PAK4: variants seen among roughly 807,000 people sequenced by gnomAD.
PAK4 encodes the protein p21 (RAC1) activated kinase 4.
PAK4 carries 49 observed loss-of-function variants against 53.5 expected under a neutral mutation model. The ratio of observed to expected loss-of-function variants is 0.92; its 90% confidence interval spans 0.73 to 1.16. The LOEUF is 1.16. Among genes scored for constraint, PAK4 ranks in the 50% most tolerant of loss-of-function variants. The pLI is 0.00. For missense variants in PAK4, 824 were observed against 850.7 expected (o/e 0.97, Z 0.39); for synonymous variants, 376 against 375.6 (o/e 1.00, Z -0.01).
At chr19:39,126,313 A>G (rs2073576490) in intron 1 of PAK4, among the ~76,000 whole-genome samples, 1 of 151,782 alleles carries the variant, frequency 6.6e-6, no homozygotes, top group South Asian at 2.1e-4. Context: ...AATGAGTTTT[A>G]GGTTCGGGGG....
At chr19:39,129,597 G>A (rs951704341) in intron 1 of PAK4, among the ~76,000 whole-genome samples, 9 of 152,072 alleles carry the variant, frequency 5.9e-5, no homozygotes, top group East Asian at 1.9e-4. Context: ...CGATTTCCTC[G>A]GCCGTGACAT....
chr19:39,133,485 C>G (rs2073752013), intron 1 of PAK4, among the ~76,000 whole-genome samples: 1 of 152,116 alleles, frequency 6.6e-6, no homozygotes, highest in Non-Finnish European at 1.5e-5. Flanking sequence ...GGGACCTGGC[C>G]CCGTCACAGA....
At chr19:39,171,303 G>T (rs1483821503) in intron 2 of PAK4, among the ~76,000 whole-genome samples, 1 of 152,034 alleles carries the variant, frequency 6.6e-6, no homozygotes. Context: ...TCGCCTCCTG[G>T]GTTCAAGCGA....
intron 1 of PAK4, among the ~76,000 whole-genome samples, chr19:39,150,723 C>A (rs1228251735): frequency 6.6e-6 from 1 of 151,914 alleles, no homozygotes; most frequent in Non-Finnish European, 1.5e-5. Flanking sequence ...GACCTTGTCT[C>A]TAAAAAAAAT....
Position 39,173,084 on chromosome 19 carries a change from C to G in PAK4, c.371C>G (p.Thr124Arg), listed in dbSNP as rs1052399906. 6.5e-7 allele frequency: 1 copy of G among 1,548,686 alleles called. No homozygotes were observed. Among genetic ancestry groups the G allele is most frequent in the Admixed American group, 2.0e-5 (1 of 50,978 alleles). The stretch of plus-strand genomic sequence containing the variant: ...GGGATGCCAGAGGAGCCGGCCACCA[C>G]GGCCAGAGGGGGCCCAGGGAAGGCA... The change falls in exon 3 of 9, where the codon ACG (threonine) becomes AGG (arginine). Residue 124 changes from threonine (T) to arginine (R), a missense_variant. Physicochemically the swap from Thr to Arg is moderately conservative, Grantham distance 71. Coordinates refer to ENST00000358301, the Ensembl canonical transcript of PAK4. The surrounding 1 kb of genome is among the most constrained non-coding windows in gnomAD (Gnocchi z 6.9).
At chr19:39,167,222 G>A (rs1277149877) in intron 1 of PAK4, among the ~76,000 whole-genome samples, 4 of 152,234 alleles carry the variant, frequency 2.6e-5, no homozygotes, top group Admixed American at 2.6e-4. Flanking sequence ...CCGCAGTGGG[G>A]AGGGAGCGGG....
At chr19:39,174,102 C>G (rs372650042) in intron 4 of PAK4, 92 bp downstream of exon 5, 244 of 847,510 alleles carry the variant, frequency 2.9e-4, no homozygotes, top group Non-Finnish European at 4.3e-4. Flanking sequence ...TGCACTCCTC[C>G]GTGCTGGGCC....
chr19:39,172,210 G>GCC (rs2074493619), intron 2 of PAK4, among the ~76,000 whole-genome samples: 1 of 150,846 alleles, frequency 6.6e-6, no homozygotes, highest in Non-Finnish European at 1.5e-5. Context: ...CAGCGGAGAG[G>GCC]CCCTGGGCGC....
Position 39,151,917 on chromosome 19 carries a change from C to T in PAK4, c.-22-17615C>T, listed in dbSNP as rs531580854. Reference sequence around the variant, plus strand: ...CCAAGTAGCTGGGATTACAGGCATGCGCCACCACGCGCAGCTAATTTTTGT... The same window carrying T: ...CCAAGTAGCTGGGATTACAGGCATGTGCCACCACGCGCAGCTAATTTTTGT... On this transcript the variant is annotated intron_variant, in intron 1 of 8. Transcript: ENST00000358301. Among the ~76,000 whole-genome samples the T allele has an allele frequency of 5.3e-5, 8 of 152,232 alleles. No individual in the cohort carries two copies. In the South Asian group the frequency reaches 1.7e-3, roughly 32 times the overall value.
intron 1 of PAK4, among the ~76,000 whole-genome samples, chr19:39,136,988 T>G (rs931314603): frequency 2.0e-5 from 3 of 151,862 alleles, no homozygotes; most frequent in Non-Finnish European, 4.4e-5. Flanking sequence ...GACAGGTAGG[T>G]CGGTTCTTGG....
At chr19:39,155,589 CGGGCCA>C (rs1054844432) in intron 1 of PAK4, among the ~76,000 whole-genome samples, 4 of 152,274 alleles carry the variant, frequency 2.6e-5, no homozygotes, top group Admixed American at 2.6e-4. Flanking sequence ...AGCTCTGCCT[CGGGCCA>C]GCCTTTGCAC....
At chr19:39,165,885 C>T (rs1160859017) in intron 1 of PAK4, among the ~76,000 whole-genome samples, 3 of 152,220 alleles carry the variant, frequency 2.0e-5, no homozygotes, top group Non-Finnish European at 2.9e-5. Flanking sequence ...AGCTGGGCCA[C>T]CTGGGTTAAT....
Position 39,178,544 on chromosome 19 carries a change from A to T in PAK4, c.1741A>T (p.Ile581Phe). ...GGCCAAGGCAGGGCCGCCTGCCAGCATCGTGCCCCTCATGCGCCAGAACCG... is the reference window on the plus strand; with the variant it reads ...GGCCAAGGCAGGGCCGCCTGCCAGCTTCGTGCCCCTCATGCGCCAGAACCG... Residue 581 changes from isoleucine to phenylalanine, a missense_variant, in exon 9 of 9, where the codon ATC becomes TTC. Transcript: ENST00000358301. The surrounding 1 kb of genome is among the most constrained non-coding windows in gnomAD (Gnocchi z 4.4). 5.0e-6 allele frequency: 8 copies of T among 1,610,002 alleles called. No homozygotes were observed. Among genetic ancestry groups the T allele is most frequent in the Non-Finnish European group, 6.8e-6 (8 of 1,178,588 alleles).
intron 1 of PAK4, among the ~76,000 whole-genome samples, chr19:39,133,668 C>T (rs1011410714): frequency 2.0e-5 from 3 of 152,186 alleles, no homozygotes; most frequent in Non-Finnish European, 2.9e-5. Flanking sequence ...CGAGCAGACA[C>T]CTTGAGGGTT....
chr19:39,159,895 T>TC (rs913529118), intron 1 of PAK4, among the ~76,000 whole-genome samples: 10 of 152,162 alleles, frequency 6.6e-5, no homozygotes, highest in South Asian at 2.1e-4. Context: ...TCCAAAGGCG[T>TC]CCCCCCCACT....
Position 39,173,702 on chromosome 19 carries a change from C to A in PAK4, c.790C>A (p.Pro264Thr). The A allele has an allele frequency of 6.3e-7, 1 of 1,584,044 alleles. No homozygotes were observed. Among genetic ancestry groups the A allele is most frequent in the South Asian group, 1.1e-5 (1 of 88,254 alleles). Residue 264 changes from proline (P) to threonine (T), a missense_variant, in exon 4 of 9, where the codon CCC becomes ACC. Pro to Thr is a conservative substitution (Grantham distance 38). Around this residue, in one of 2 missense-constraint regions of PAK4, gnomAD observed 478 missense variants for 435.8 expected, o/e 1.10. Transcript: ENST00000358301. This position sits in a 1 kb window ranked among gnomAD's most constrained non-coding sequence, Gnocchi z 6.9. ...TGCCCCCAGCCCTGGAGTGCTGGGA[C>A]CCCACGCCTCAGAGCCCCAGCTGGC...
intron 1 of PAK4, chr19:39,135,317 G>A (rs1425772576): frequency 7.1e-6 from 1 of 140,630 alleles, no homozygotes; most frequent in Non-Finnish European, 1.5e-5. Flanking sequence ...GGAGTCAAGT[G>A]CTTATTCTTT....
At chr19:39,126,115 G>A (rs1044722840) in intron 1 of PAK4, among the ~76,000 whole-genome samples, 196 bp downstream of exon 1, 5 of 152,166 alleles carry the variant, frequency 3.3e-5, no homozygotes, top group African/African-American at 1.2e-4. Flanking sequence ...AGCGAAGGGG[G>A]CGTGGCGAAG....
At chr19:39,166,658 G>A (rs1157207061) in intron 1 of PAK4, among the ~76,000 whole-genome samples, 1 of 152,188 alleles carries the variant, frequency 6.6e-6, no homozygotes, top group Non-Finnish European at 1.5e-5. Flanking sequence ...TAGGCAGCCT[G>A]ACTGCCAAGC....
Sources: allele counts gnomAD v4.1 joint callset (sites outside exome capture counted in the v4.1 genomes callset), GRCh38; gene constraint gnomAD v4.1.1; regional missense constraint gnomAD v4.1.1; non-coding constraint Gnocchi (gnomAD v3.1); transcripts MANE v1.5; gene names NCBI Gene and HGNC (gene_info 2026-07-23, HGNC 2026-07-21).